Variants in TJP1 observed in about 807,000 individuals in gnomAD.
TJP1 encodes the protein tight junction protein ZO-1.
TJP1 carries 43 observed loss-of-function variants against 194.2 expected under a neutral mutation model. The ratio of observed to expected loss-of-function variants is 0.22; its 90% CI spans 0.17 to 0.29. The LOEUF is 0.29. Ranked by LOEUF, TJP1 falls within the 10% of genes least tolerant of loss-of-function variation. The pLI, the probability that TJP1 is intolerant of heterozygous loss-of-function variation, is 1.00. For synonymous variants in TJP1, 801 were observed against 779.0 expected, an observed-to-expected ratio of 1.03 and a Z score of -0.47; for missense variants, 1,971 against 2,185.7, an observed-to-expected ratio of 0.90 and a Z score of 1.96.
chr15:29,709,217 G>A (rs1445075421), intron 24 of TJP1, among the ~76,000 whole-genome samples, 181 bp from the exon 25 acceptor site: 1 of 152,090 alleles, frequency 6.6e-6, no homozygotes, highest in African/African-American at 2.4e-5. Context: ...ATGGACAGGT[G>A]GTGCCATGAA....
chr15:29,894,481 A>G (rs923226822), intron 2 of TJP1, among the ~76,000 whole-genome samples: 9 of 152,226 alleles, frequency 5.9e-5, no homozygotes, highest in Non-Finnish European at 1.3e-4. Flanking sequence ...TGCAAAATTG[A>G]AAAAAGCATA....
chr15:29,816,080 G>A (rs1012767870), intron 1 of TJP1, among the ~76,000 whole-genome samples: 2 of 151,342 alleles, frequency 1.3e-5, no homozygotes, highest in African/African-American at 2.4e-5. Flanking sequence ...GTGCTATCTC[G>A]ACTCACTGCA....
chr15:29,847,152 G>A (rs144836454), intron 2 of TJP1, among the ~76,000 whole-genome samples: 139 of 152,030 alleles, frequency 9.1e-4, no homozygotes, highest in African/African-American at 3.2e-3. Flanking sequence ...ACCCAGGCTG[G>A]AGTACAGTGG....
At position 29,949,423 on chromosome 15, in the gene TJP1, C is replaced by T. The variant is rs536061718; in HGVS notation, c.306+6809G>A. 8.7e-3 allele frequency among the ~76,000 whole-genome samples: 1,199 copies of T among 137,224 alleles called. 2 individuals are homozygous for T. The highest frequency in any genetic ancestry group is 0.034 in the African/African-American group (1,053 of 31,048). The allele number at this position is 137,224 out of a possible 152,430, so 90.0% of individuals were successfully genotyped here. A position where few individuals can be genotyped will look rare whatever the true frequency, so the allele number is the denominator to read the frequency against. On this transcript the variant is annotated intron_variant, in intron 2 of 28. Transcript: ENST00000356107. ...CCTCCACAACCACCACCTCTACCTC[C>T]ACAACCACCACCTCCACCTCCACCT... is the stretch of plus-strand genomic sequence containing the variant.
chr15:29,804,762 C>G lies in TJP1; in HGVS notation c.28-4060G>C, dbSNP rs1384484837. 2.0e-5 allele frequency among the ~76,000 whole-genome samples: 3 copies of G among 152,220 alleles called. No individual in the cohort carries two copies. The East Asian group carries it at 5.8e-4, about 29-fold the overall frequency. Reference sequence around the variant, plus strand: ...TGCACAAAAAGCTTCTGGTAAATTACCAGTCTCAGGTTCAAGACATTTAGG... The same window carrying G: ...TGCACAAAAAGCTTCTGGTAAATTAGCAGTCTCAGGTTCAAGACATTTAGG... On this transcript the variant is annotated intron_variant, in intron 1 of 27. Transcript: ENST00000614355.
intron 1 of TJP1, among the ~76,000 whole-genome samples, chr15:29,805,455 CTTAACA>C (rs920834147): frequency 6.6e-6 from 1 of 152,160 alleles, no homozygotes; most frequent in African/African-American, 2.4e-5. Context: ...TGAAGAACTC[CTTAACA>C]TTATCTAAAT....
intron 27 of TJP1, among the ~76,000 whole-genome samples, chr15:29,703,574 C>T (rs1485430022): frequency 1.3e-5 from 2 of 152,190 alleles, no homozygotes; most frequent in Admixed American, 1.3e-4. Flanking sequence ...TCTCCCACTG[C>T]ATCCTGAAAA....
intron 1 of TJP1, among the ~76,000 whole-genome samples, chr15:29,815,008 T>G (rs1366368204): frequency 1.3e-5 from 2 of 152,212 alleles, no homozygotes; most frequent in Non-Finnish European, 2.9e-5. Flanking sequence ...AGCTGTGTTC[T>G]TGTGGTAAAG....
intron 2 of TJP1, among the ~76,000 whole-genome samples, chr15:29,895,838 T>G (rs1177942913): frequency 6.6e-6 from 1 of 152,234 alleles, no homozygotes; most frequent in African/African-American, 2.4e-5. Flanking sequence ...ATAGACAAAG[T>G]AGCTTATAAA....
intron 2 of TJP1, among the ~76,000 whole-genome samples, chr15:29,947,989 G>A (rs1281618706): frequency 6.6e-6 from 1 of 152,156 alleles, no homozygotes; most frequent in Non-Finnish European, 1.5e-5. Flanking sequence ...TCATTTGGGT[G>A]GGCACGGTGG....
chr15:29,949,625 T>A (rs865914644), intron 2 of TJP1, among the ~76,000 whole-genome samples: 795 of 32,902 alleles, frequency 0.024, 2 homozygotes, highest in Middle Eastern at 0.071. Context: ...CACCACCACC[T>A]CCACCTCCAC....
chr15:29,739,402 T>C (rs1406911941), intron 10 of TJP1, among the ~76,000 whole-genome samples: 1 of 152,188 alleles, frequency 6.6e-6, no homozygotes, highest in African/African-American at 2.4e-5. Context: ...TCCTCAAATC[T>C]TCCTTGGTAT....
At chr15:29,772,289 C>T in intron 3 of TJP1, 123 bp from the exon 4 acceptor site, 1 of 593,222 alleles carries the variant, frequency 1.7e-6, no homozygotes, top group Non-Finnish European at 2.9e-6. Flanking sequence ...ATTAATTTCT[C>T]TTCAGATCAA....
At chr15:29,920,839 GA>G (rs2054334568) in intron 2 of TJP1, among the ~76,000 whole-genome samples, 3 of 152,142 alleles carry the variant, frequency 2.0e-5, no homozygotes, top group Admixed American at 2.0e-4. Context: ...ATCTTAATTA[GA>G]TTTAAAACAC....
At chr15:29,894,331 T>C (rs1328547444) in intron 2 of TJP1, among the ~76,000 whole-genome samples, 1 of 152,126 alleles carries the variant, frequency 6.6e-6, no homozygotes, top group African/African-American at 2.4e-5. Flanking sequence ...TGGTGGCACA[T>C]TCCTGTAGTC....
Position 29,820,396 on chromosome 15 carries a change from T to C in TJP1, c.27+1606A>G, listed in dbSNP as rs1309218315. On this transcript the variant is annotated intron_variant, in intron 1 of 27. Coordinates refer to ENST00000614355, the MANE Select transcript of TJP1 (RefSeq NM_001330239.4). ...TAATACAGCATCTTAAAAAAAAGCT[T>C]TCAACTTGCCCTTTACTCGCAAATG... is the stretch of plus-strand genomic sequence containing the variant. 6 of 629,134 alleles carry C rather than the reference T, an allele frequency of 9.5e-6. No homozygotes were observed. The South Asian group carries it at 1.1e-4, about 12-fold the overall frequency. 39.0% of individuals were successfully genotyped at this position (629,134 alleles called of 1,614,324 possible). A position where few individuals can be genotyped will look rare whatever the true frequency, so the allele number is the denominator to read the frequency against.
chr15:29,953,469 G>T (rs1353225298), intron 2 of TJP1, among the ~76,000 whole-genome samples: 16 of 151,870 alleles, frequency 1.1e-4, no homozygotes, highest in Admixed American at 1.1e-3. Flanking sequence ...AAAGTGTAGG[G>T]AAAAAAATGT....
At chr15:29,836,263 G>A (rs1306451811) in intron 2 of TJP1, among the ~76,000 whole-genome samples, 1 of 151,844 alleles carries the variant, frequency 6.6e-6, no homozygotes, top group African/African-American at 2.4e-5. Flanking sequence ...CGTTATCTGT[G>A]GGATGATCAA....
chr15:29,718,947 G>A lies in TJP1; in HGVS notation c.3195C>T (p.Ser1065=). The A allele has an allele frequency of 6.2e-7, 1 of 1,614,160 alleles. No individual in the cohort carries two copies. Among genetic ancestry groups the A allele is most frequent in the Non-Finnish European group, 8.5e-7 (1 of 1,180,028 alleles). The change falls in exon 21 of 28, where the codon AGC becomes AGT. Residue 1065 remains serine, a synonymous_variant. Transcript: ENST00000614355. ...AGTTTCGAGAAAACTGGTCCGTATA[G>A]CTTGAGGACTCGTATCTGTATGTGG... The part of the protein sequence containing the change: ...EQPTYRYESS[S]YTDQFSRNYE...
Sources: gnomAD v4.1 joint callset for allele counts (sites outside exome capture counted in the v4.1 genomes callset) on GRCh38, gnomAD v4.1.1 for gene constraint, MANE v1.5 for transcripts, NCBI Gene and HGNC (gene_info 2026-07-23, HGNC 2026-07-21) for gene names.